HS3ST4: variants seen among roughly 807,000 people sequenced by gnomAD.
HS3ST4 encodes heparan sulfate-glucosamine 3-sulfotransferase 4, also known as heparan sulfate glucosamine 3-O-sulfotransferase 4.
In HS3ST4, 17 loss-of-function variants were observed where a neutral mutation model predicts 29.2. That is an observed-to-expected ratio of 0.58 (90% CI 0.40 to 0.87). The LOEUF is 0.87. Ranked by LOEUF, HS3ST4 falls within the 40% of genes least tolerant of loss-of-function variation. The probability of loss-of-function intolerance (pLI) is 0.00; values close to 1 mark genes in which losing one functional copy is unlikely to be tolerated. For synonymous variants in HS3ST4, 314 were observed against 285.7 expected (o/e 1.10, Z -1.00); for missense variants, 627 against 634.5 (o/e 0.99, Z 0.13).
Position 26,074,086 on chromosome 16 carries a change from G to A in HS3ST4, c.735-61526G>A, listed in dbSNP as rs1035794358. On this transcript the variant is annotated intron_variant, in intron 1 of 1. Transcript: ENST00000331351. The stretch of plus-strand genomic sequence containing the variant: ...AATCCCCCTCAGCCTTCCGGTTTCC[G>A]AACAAAAAGCCTTCCACTTACATGA... 3.9e-5 allele frequency among the ~76,000 whole-genome samples: 6 copies of A among 152,042 alleles called. No individual in the cohort carries two copies. The South Asian group carries it at 8.3e-4, about 21-fold the overall frequency.
At chr16:25,799,539 T>G (rs1477017713) in intron 1 of HS3ST4, among the ~76,000 whole-genome samples, 3 of 152,162 alleles carry the variant, frequency 2.0e-5, no homozygotes, top group Non-Finnish European at 4.4e-5. Context: ...TCATCAACAA[T>G]TTAAATGATA....
At chr16:25,838,790 A>G (rs1378618095) in intron 1 of HS3ST4, among the ~76,000 whole-genome samples, 1 of 152,216 alleles carries the variant, frequency 6.6e-6, no homozygotes, top group African/African-American at 2.4e-5. Flanking sequence ...AAATAAGGCC[A>G]ACACTCAGCC....
chr16:25,747,624 T>C (rs1359640136), intron 1 of HS3ST4, among the ~76,000 whole-genome samples: 2 of 152,200 alleles, frequency 1.3e-5, no homozygotes, highest in African/African-American at 2.4e-5. Flanking sequence ...AGAGAAGAGA[T>C]GAGTGGAAGA....
At chr16:26,134,362 C>CTTTTCT (rs750289979) in intron 1 of HS3ST4, among the ~76,000 whole-genome samples, 9 of 76,808 alleles carry the variant, frequency 1.2e-4, no homozygotes, top group Admixed American at 4.9e-4. Flanking sequence ...CTTTTCTTTT[C>CTTTTCT]TTTTTTTTTT....
chr16:25,784,355 G>A (rs976563914), intron 1 of HS3ST4, among the ~76,000 whole-genome samples: 2 of 152,166 alleles, frequency 1.3e-5, no homozygotes, highest in African/African-American at 4.8e-5. Flanking sequence ...TAGAAATGAT[G>A]GAGCTCAGTG....
Position 26,107,534 on chromosome 16 carries a change from C to G in HS3ST4, c.735-28078C>G, listed in dbSNP as rs567551824. Among the ~76,000 whole-genome samples, 4 of 152,296 alleles carry G rather than the reference C, an allele frequency of 2.6e-5. No individual in the cohort carries two copies. In the East Asian group the frequency reaches 7.7e-4, roughly 29 times the overall value. On this transcript the variant is annotated intron_variant, in intron 1 of 1. Coordinates refer to ENST00000331351, the MANE Select transcript of HS3ST4 (RefSeq NM_006040.3). ...AGCCAAAATATAGTTTTTTATCCCT[C>G]ACTGCCACTCACTCACCCTCTTTCT...
At chr16:25,748,883 T>C (rs1966701299) in intron 1 of HS3ST4, among the ~76,000 whole-genome samples, 1 of 152,210 alleles carries the variant, frequency 6.6e-6, no homozygotes, top group Non-Finnish European at 1.5e-5. Context: ...GGGGCATTTC[T>C]TAGATTCAGT....
At chr16:25,807,933 A>AT (rs1297977829) in intron 1 of HS3ST4, among the ~76,000 whole-genome samples, 2 of 150,928 alleles carry the variant, frequency 1.3e-5, no homozygotes, top group African/African-American at 4.9e-5. Context: ...CTTATTTTCC[A>AT]TTTTCTTTGG....
chr16:25,938,414 G>T (rs1328429154), intron 1 of HS3ST4, among the ~76,000 whole-genome samples: 1 of 152,158 alleles, frequency 6.6e-6, no homozygotes, highest in Non-Finnish European at 1.5e-5. Context: ...AAAAATAAGT[G>T]TGCATCTTCT....
At position 25,692,510 on chromosome 16, in the gene HS3ST4, G is replaced by C. The variant is rs1966260725; in HGVS notation, c.93G>C (p.Pro31=). ...CCGGCGCCTCTGCTAAGGGGCCGCC[G>C]GCGCGCAAGCTGCTTTTTATGTGCA... ...PPPGASAKGP[P]ARKLLFMCTL... The change falls in exon 1 of 2, where the codon CCG becomes CCC. Residue 31 remains proline (P), a synonymous_variant. Coordinates refer to ENST00000331351, the MANE Select transcript of HS3ST4 (RefSeq NM_006040.3). 1 of 1,414,990 alleles carries C rather than the reference G, an allele frequency of 7.1e-7. No homozygotes were observed. The highest frequency in any genetic ancestry group is 3.3e-5 in the East Asian group (1 of 30,756). The allele number at this position is 1,414,990 out of a possible 1,614,324, so 87.7% of individuals were successfully genotyped here. A position where few individuals can be genotyped will look rare whatever the true frequency, so the allele number is the denominator to read the frequency against.
intron 1 of HS3ST4, among the ~76,000 whole-genome samples, chr16:26,126,104 A>G (rs907089111): frequency 1.3e-5 from 2 of 152,132 alleles, no homozygotes; most frequent in East Asian, 1.9e-4. Flanking sequence ...CTCTGACACC[A>G]CTTGTGGCAC....
At chr16:26,061,891 C>CT (rs1261874001) in intron 1 of HS3ST4, among the ~76,000 whole-genome samples, 4 of 152,112 alleles carry the variant, frequency 2.6e-5, no homozygotes, top group African/African-American at 9.7e-5. Context: ...AAGAAGCTTG[C>CT]TTTTTTCATT....
intron 1 of HS3ST4, among the ~76,000 whole-genome samples, chr16:25,702,859 GGCTCAACT>G (rs1966343748): frequency 6.6e-6 from 1 of 152,054 alleles, no homozygotes; most frequent in East Asian, 1.9e-4. Flanking sequence ...TTGAGCTAGC[GGCTCAACT>G]CAACTCTTAA....
chr16:25,909,140 G>A (rs1423113015), intron 1 of HS3ST4, among the ~76,000 whole-genome samples: 1 of 152,172 alleles, frequency 6.6e-6, no homozygotes, highest in Non-Finnish European at 1.5e-5. Flanking sequence ...TAAAATGCAT[G>A]TTCTGATTTT....
At position 26,034,178 on chromosome 16, in the gene HS3ST4, A is replaced by G. The variant is rs191473966; in HGVS notation, c.735-101434A>G. On this transcript the variant is annotated intron_variant, in intron 1 of 1. Transcript: ENST00000331351. ...CCATAGGTTCCTGGAAGGAGGACAG[A>G]GCAAGGGAGCGACTGGATGAGGGCA... 2.1e-4 allele frequency among the ~76,000 whole-genome samples: 32 copies of G among 152,272 alleles called. No individual in the cohort carries two copies. In the East Asian group the frequency reaches 6.0e-3, roughly 29 times the overall value.
intron 1 of HS3ST4, among the ~76,000 whole-genome samples, chr16:26,043,746 A>G (rs1596661028): frequency 6.6e-6 from 1 of 152,164 alleles, no homozygotes. Context: ...CCACTCCGCT[A>G]TGCTAGTAAA....
intron 1 of HS3ST4, among the ~76,000 whole-genome samples, chr16:25,693,377 G>A (rs1421407678): frequency 6.6e-6 from 1 of 152,118 alleles, no homozygotes; most frequent in East Asian, 1.9e-4. Flanking sequence ...GTGTCACCCT[G>A]CCCTGCCTCC....
chr16:25,726,444 A>T (rs920903874), intron 1 of HS3ST4, among the ~76,000 whole-genome samples: 21 of 151,758 alleles, frequency 1.4e-4, no homozygotes, highest in South Asian at 8.3e-4. Flanking sequence ...GGTATGAAAC[A>T]CACACACACA....
At chr16:25,728,399 C>A (rs1008872624) in intron 1 of HS3ST4, among the ~76,000 whole-genome samples, 2 of 152,182 alleles carry the variant, frequency 1.3e-5, no homozygotes, top group African/African-American at 2.4e-5. Context: ...AGCTTGGCTT[C>A]TCTGTGCTTA....
Sources: gnomAD v4.1 joint callset for allele counts (sites outside exome capture counted in the v4.1 genomes callset) on GRCh38, gnomAD v4.1.1 for gene constraint, MANE v1.5 for transcripts, NCBI Gene and HGNC (gene_info 2026-07-23, HGNC 2026-07-21) for gene names.